Variants in TNXB observed in about 807,000 individuals in gnomAD.
TNXB encodes tenascin-X.
In TNXB, 183 loss-of-function variants were observed where a neutral mutation model predicts 340.5. The ratio of observed to expected loss-of-function variants is 0.54; its 90% confidence interval spans 0.48 to 0.61. The LOEUF is 0.61. Ranked by LOEUF, TNXB falls within the 20% of genes least tolerant of loss-of-function variation. The pLI is 0.00. For missense variants in TNXB, 4,613 were observed against 5,446.4 expected (o/e 0.85, Z 4.82); for synonymous variants, 2,121 against 2,314.5 (o/e 0.92, Z 2.40).
chr6:32,070,441 T>C lies in TNXB; in HGVS notation c.4991-27A>G, dbSNP rs531718798. The stretch of plus-strand genomic sequence containing the variant: ...TGGAGAGGAAAGGTTCTTGTGTTTA[T>C]TTTTTCCAAAACGACTCCTTGACTG... On this transcript the variant is annotated intron_variant, in intron 13 of 43. Coordinates refer to ENST00000644971, the MANE Select transcript of TNXB (RefSeq NM_001365276.2). The surrounding 1 kb of genome is among the most constrained non-coding windows in gnomAD (Gnocchi z 6.0). The C allele has an allele frequency of 9.1e-6, 14 of 1,544,208 alleles. No homozygotes were observed. The Admixed American group carries it at 2.3e-4, about 26-fold the overall frequency.
At position 32,082,069 on chromosome 6, in the gene TNXB, G is replaced by A. The variant is rs754586168; in HGVS notation, c.3703C>T (p.Arg1235Trp). ...CCATCGGCCGTGAGGGGGCCATACC[G>A]CTTCTTGTTCGCAATTCCAAACAGA... ...FTLFGIANKKRYGPLTADGTT... is the reference protein window; with the variant it reads ...FTLFGIANKKWYGPLTADGTT... The change falls in exon 9 of 44, where the codon CGG (arginine) becomes TGG (tryptophan). Residue 1235 changes from arginine (R) to tryptophan (W), a missense_variant. This residue lies in a region of TNXB where 4,327 missense variants were observed against 4,859.4 expected (regional missense o/e 0.89). Transcript: ENST00000644971. The surrounding 1 kb of genome is among the most constrained non-coding windows in gnomAD (Gnocchi z 5.0). 25 of 1,608,174 alleles carry A rather than the reference G, an allele frequency of 1.6e-5. No individual in the cohort carries two copies. Among genetic ancestry groups the A allele is most frequent in the Middle Eastern group, 3.3e-4 (2 of 6,056 alleles).
chr6:32,089,098 A>T lies in TNXB; in HGVS notation c.2516-50T>A. On this transcript the variant is annotated intron_variant, in intron 5 of 43. Coordinates refer to ENST00000644971, the MANE Select transcript of TNXB (RefSeq NM_001365276.2). The surrounding 1 kb of genome is among the most constrained non-coding windows in gnomAD (Gnocchi z 6.2). ...CAGGTGGGTGTCTGGTTCTTCAATC[A>T]TCATCTTTCCTTCCAAGAGCCTAGC... is the stretch of plus-strand genomic sequence containing the variant. 6.3e-7 allele frequency: 1 copy of T among 1,592,368 alleles called. No homozygotes were observed. Among genetic ancestry groups the T allele is most frequent in the Non-Finnish European group, 8.6e-7 (1 of 1,167,576 alleles).
Position 32,073,789 on chromosome 6 carries a change from C to T in TNXB, c.4539G>A (p.Gly1513=). 1.2e-6 allele frequency: 2 copies of T among 1,612,454 alleles called. No individual in the cohort carries two copies. Among genetic ancestry groups the T allele is most frequent in the East Asian group, 2.2e-5 (1 of 44,872 alleles). The change falls in exon 12 of 44, where the codon GGG becomes GGA. Residue 1513 remains glycine (G), a synonymous_variant. Coordinates refer to ENST00000644971, the MANE Select transcript of TNXB (RefSeq NM_001365276.2). This position sits in a 1 kb window ranked among gnomAD's most constrained non-coding sequence, Gnocchi z 4.6. ...SFIVQYKDKD[G]QPQVVPVAAD... is the part of the protein sequence containing the mutation. ...CCGCCACCGGCACCACCTGGGGCTG[C>T]CCGTCCTTGTCCTTGTACTGGACTA... is the stretch of plus-strand genomic sequence containing the variant.
chr6:32,093,729 C>G (rs1007715841), intron 4 of TNXB, among the ~76,000 whole-genome samples: 1 of 152,142 alleles, frequency 6.6e-6, no homozygotes, highest in African/African-American at 2.4e-5. Context: ...CCAGTCTGCA[C>G]AAAGGGAGGC....
In TNXB at chr6:32,097,520, T is replaced by C. The variant is rs1780482807; in HGVS notation, c.404-71A>G. 1 of 1,518,388 alleles carries C rather than the reference T, an allele frequency of 6.6e-7. No homozygotes were observed. The highest frequency in any genetic ancestry group is 1.9e-5 in the Admixed American group (1 of 53,228). 94.1% of individuals were successfully genotyped at this position (1,518,388 alleles called of 1,614,324 possible). ...AGAGGCTGAGCCTATGTAGTGCTCC[T>C]ATGTGCAGGCCCCTAGCCAGGCTAG... is the stretch of plus-strand genomic sequence containing the variant. On this transcript the variant is annotated intron_variant, in intron 2 of 43. Transcript: ENST00000644971. The surrounding 1 kb of genome is among the most constrained non-coding windows in gnomAD (Gnocchi z 5.9).
intron 1 of TNXB, among the ~76,000 whole-genome samples, chr6:32,100,398 C>T (rs1780656206): frequency 6.6e-6 from 1 of 152,274 alleles, no homozygotes; most frequent in Admixed American, 6.5e-5. Context: ...AGTCACTGCA[C>T]CCAGCCGCAA....
chr6:32,069,437 C>A lies in TNXB; in HGVS notation c.5587+116G>T. 1 of 1,297,766 alleles carries A rather than the reference C, an allele frequency of 7.7e-7. No homozygotes were observed. Among genetic ancestry groups the A allele is most frequent in the Non-Finnish European group, 1.0e-6 (1 of 973,256 alleles). 80.4% of individuals were successfully genotyped at this position (1,297,766 alleles called of 1,614,324 possible). A position where few individuals can be genotyped will look rare whatever the true frequency, so the allele number is the denominator to read the frequency against. On this transcript the variant is annotated intron_variant, in intron 15 of 43. Transcript: ENST00000644971. This position sits in a 1 kb window ranked among gnomAD's most constrained non-coding sequence, Gnocchi z 6.2. ...CTGACTCTAAAGGGGCACAAGGAAA[C>A]TTTCTGGATCAATGGAAATGATATA...
At position 32,097,891 on chromosome 6, in the gene TNXB, A is replaced by G. The variant is rs1780500935; in HGVS notation, c.308T>C (p.Leu103Pro). Residue 103 changes from leucine (L) to proline (P), a missense_variant, in exon 2 of 44, where the codon CTG becomes CCG. Transcript: ENST00000644971. The surrounding 1 kb of genome is among the most constrained non-coding windows in gnomAD (Gnocchi z 5.9). ...PPVLASEVQA[L>P]RVRLEILEEL... ...CTCCAGGATCTCTAGACGGACCCTCAGGGCCTGTACCTCTGAAGCAAGGAC... is the reference window on the plus strand; with the variant it reads ...CTCCAGGATCTCTAGACGGACCCTCGGGGCCTGTACCTCTGAAGCAAGGAC... 6.3e-7 allele frequency: 1 copy of G among 1,578,402 alleles called. No individual in the cohort carries two copies. The highest frequency in any genetic ancestry group is 8.7e-7 in the Non-Finnish European group (1 of 1,155,850).
At position 32,101,064 on chromosome 6, in the gene TNXB, T is replaced by C. The variant is rs1780693714; in HGVS notation, c.-8-2858A>G. Among the ~76,000 whole-genome samples, 3 of 89,996 alleles carry C rather than the reference T, an allele frequency of 3.3e-5. No individual in the cohort carries two copies. The South Asian group carries it at 1.1e-3, about 34-fold the overall frequency. 59.0% of individuals were successfully genotyped at this position (89,996 alleles called of 152,430 possible). On this transcript the variant is annotated intron_variant, in intron 1 of 43. Transcript: ENST00000644971. Reference sequence around the variant, plus strand: ...CTTCACTTCAGCCTGAGAGGAAGAGTGAAACTCCATCTCAAAAAAAAAAAA... The same window carrying C: ...CTTCACTTCAGCCTGAGAGGAAGAGCGAAACTCCATCTCAAAAAAAAAAAA...
Position 32,043,756 on chromosome 6 carries a change from G to A in TNXB, c.11523C>T (p.Leu3841=). ...FEESEPLTGF[L]TTVPDGPTQL... ...GGTCCCAGTCCATCTCACCCGTGGTGAGGAAGCCTGTGAGAGGCTCACTCT... is the reference window on the plus strand; with the variant it reads ...GGTCCCAGTCCATCTCACCCGTGGTAAGGAAGCCTGTGAGAGGCTCACTCT... The change falls in exon 35 of 44, where the codon CTC becomes CTT. Residue 3841 remains leucine (L), a synonymous_variant. Coordinates refer to ENST00000644971, the MANE Select transcript of TNXB (RefSeq NM_001365276.2). 6.2e-7 allele frequency: 1 copy of A among 1,613,488 alleles called. No homozygotes were observed. Among genetic ancestry groups the A allele is most frequent in the Non-Finnish European group, 8.5e-7 (1 of 1,180,018 alleles).
At chr6:32,057,606 C>T (rs1394137014) in intron 22 of TNXB, among the ~76,000 whole-genome samples, 1 of 151,802 alleles carries the variant, frequency 6.6e-6, no homozygotes, top group Admixed American at 6.5e-5. Flanking sequence ...TGGTCCCCTC[C>T]TCTGCTCCCA....
chr6:32,087,657 G>A lies in TNXB; in HGVS notation c.2779+1128C>T. 1 of 429,712 alleles carries A rather than the reference G, an allele frequency of 2.3e-6. No individual in the cohort carries two copies. The highest frequency in any genetic ancestry group is 1.6e-5 in the South Asian group (1 of 61,024). 26.6% of individuals were successfully genotyped at this position (429,712 alleles called of 1,614,324 possible). A position where few individuals can be genotyped will look rare whatever the true frequency, so the allele number is the denominator to read the frequency against. ...GGGGTGCGGGGGAGCCGGCTGGGGC[G>A]GCGGCCAACAGACGCCGCTGCAAGT... On this transcript the variant is annotated intron_variant, in intron 6 of 43. Coordinates refer to ENST00000644971, the MANE Select transcript of TNXB (RefSeq NM_001365276.2). The surrounding 1 kb of genome is among the most constrained non-coding windows in gnomAD (Gnocchi z 9.0).
At chr6:32,059,552 T>G (rs978634882) in intron 21 of TNXB, among the ~76,000 whole-genome samples, 7 of 151,836 alleles carry the variant, frequency 4.6e-5, no homozygotes, top group Admixed American at 2.0e-4. Context: ...CAGCCTGTCC[T>G]CTGTCAGTTC....
At position 32,061,003 on chromosome 6, in the gene TNXB, G is replaced by T. The variant is rs1009125899; in HGVS notation, c.7492+394C>A. On this transcript the variant is annotated intron_variant, in intron 21 of 43. Coordinates refer to ENST00000644971, the MANE Select transcript of TNXB (RefSeq NM_001365276.2). This position sits in a 1 kb window ranked among gnomAD's most constrained non-coding sequence, Gnocchi z 4.4. ...TCTTATGTTAAAACATTTCAGTGGC[G>T]GCATAATAGCTCTTTTTATAGATGT... is the stretch of plus-strand genomic sequence containing the variant. Among the ~76,000 whole-genome samples, 1 of 151,834 alleles carries T rather than the reference G, an allele frequency of 6.6e-6. No homozygotes were observed. Among genetic ancestry groups the T allele is most frequent in the Non-Finnish European group, 1.5e-5 (1 of 68,018 alleles).
chr6:32,095,039 C>T (rs1780251941), intron 4 of TNXB, 37 bp downstream of exon 4: 3 of 1,513,734 alleles, frequency 2.0e-6, no homozygotes, highest in South Asian at 2.4e-5. Context: ...CTGTCCTGCC[C>T]ACTCAGTCCC....
intron 22 of TNXB, 126 bp downstream of exon 22, chr6:32,057,932 C>T: frequency 1.7e-6 from 2 of 1,198,620 alleles, no homozygotes; most frequent in Non-Finnish European, 2.3e-6. Flanking sequence ...ACATGTCTTT[C>T]CATAATGTTG....
At position 32,048,607 on chromosome 6, in the gene TNXB, C is replaced by G. The variant is rs546162325; in HGVS notation, c.9801G>C (p.Glu3267Asp). ...CCGAGGTCACGGCCGCCACCGCCAG[C>G]TCCCCCAGGCGGGGCTCCACCGGCA... ...TPLPVEPRLG[E>D]LAVAAVTSDS... Residue 3267 changes from glutamate to aspartate, a missense_variant, in exon 29 of 44, where the codon GAG (glutamate) becomes GAC (aspartate). Transcript: ENST00000644971. 1.3e-6 allele frequency: 2 copies of G among 1,529,236 alleles called. No homozygotes were observed. The highest frequency in any genetic ancestry group is 1.8e-6 in the Non-Finnish European group (2 of 1,132,486). The allele number at this position is 1,529,236 out of a possible 1,614,324, so 94.7% of individuals were successfully genotyped here.
Position 32,074,134 on chromosome 6 carries a change from A to C in TNXB, c.4376-182T>G, listed in dbSNP as rs184399138. On this transcript the variant is annotated intron_variant, in intron 11 of 43. Coordinates refer to ENST00000644971, the MANE Select transcript of TNXB (RefSeq NM_001365276.2). This position sits in a 1 kb window ranked among gnomAD's most constrained non-coding sequence, Gnocchi z 5.5. ...CGGGTTCAAGCGATCCTCCTGCCTT[A>C]GCCTCCCAAGTAGCTGGGACTACAG... 2.2e-3 allele frequency among the ~76,000 whole-genome samples: 338 copies of C among 152,270 alleles called. 1 individual carries two copies. The highest frequency in any genetic ancestry group is 5.1e-3 in the African/African-American group (212 of 41,538).
Position 32,068,265 on chromosome 6 carries a change from C to T in TNXB, c.6220+125G>A. 1 of 1,392,580 alleles carries T rather than the reference C, an allele frequency of 7.2e-7. No homozygotes were observed. Among genetic ancestry groups the T allele is most frequent in the Non-Finnish European group, 9.7e-7 (1 of 1,030,436 alleles). The allele number at this position is 1,392,580 out of a possible 1,614,324, so 86.3% of individuals were successfully genotyped here. On this transcript the variant is annotated intron_variant, in intron 17 of 43. Coordinates refer to ENST00000644971, the MANE Select transcript of TNXB (RefSeq NM_001365276.2). The surrounding 1 kb of genome is among the most constrained non-coding windows in gnomAD (Gnocchi z 5.3). ...CAGGAAGGCCCAAGGGGAGCCCCAG[C>T]CCCAGCCACAAGCAGGTCTGTGGTG... is the stretch of plus-strand genomic sequence containing the variant.
Sources: gnomAD v4.1 joint callset for allele counts (sites outside exome capture counted in the v4.1 genomes callset) on GRCh38, gnomAD v4.1.1 for gene constraint, gnomAD v4.1.1 regional missense constraint, Gnocchi (gnomAD v3.1) non-coding constraint, MANE v1.5 for transcripts, NCBI Gene and HGNC (gene_info 2026-07-23, HGNC 2026-07-21) for gene names.